The following COX7B2 variants were observed in gnomAD, a reference collection of about 807,000 sequenced individuals.
COX7B2 encodes the protein cytochrome c oxidase subunit 7B2.
For missense variants in COX7B2, 109 were observed against 95.9 expected (o/e 1.14, Z -0.57); for synonymous variants, 37 against 32.1 (o/e 1.15, Z -0.51).
chr4:46,809,812 T>A (rs1362634655), intron 2 of COX7B2, among the ~76,000 whole-genome samples: 1 of 151,978 alleles, frequency 6.6e-6, no homozygotes, highest in Non-Finnish European at 1.5e-5. Flanking sequence ...TAATTAATTC[T>A]CTGGTTAATA....
At chr4:46,885,708 GT>G (rs921684858) in intron 1 of COX7B2, among the ~76,000 whole-genome samples, 9 of 151,968 alleles carry the variant, frequency 5.9e-5, no homozygotes, top group East Asian at 1.9e-4. Context: ...AACCAGGTGG[GT>G]TTTTTTCTCA....
At chr4:46,788,748 G>C (rs754056656) in intron 2 of COX7B2, among the ~76,000 whole-genome samples, 2 of 152,102 alleles carry the variant, frequency 1.3e-5, no homozygotes, top group Non-Finnish European at 2.9e-5. Context: ...AACTCACATT[G>C]TTCCAGATTA....
At chr4:46,789,405 A>G (rs946263593) in intron 2 of COX7B2, among the ~76,000 whole-genome samples, 1 of 152,024 alleles carries the variant, frequency 6.6e-6, no homozygotes, top group African/African-American at 2.4e-5. Context: ...AATAATCTCA[A>G]AAAAATTTTT....
intron 2 of COX7B2, among the ~76,000 whole-genome samples, chr4:46,834,338 C>T (rs1715369130): frequency 6.6e-6 from 1 of 151,832 alleles, no homozygotes; most frequent in African/African-American, 2.4e-5. Flanking sequence ...AGAAAAGAAA[C>T]ACAAAAACAG....
intron 1 of COX7B2, among the ~76,000 whole-genome samples, chr4:46,907,276 C>A (rs142475462): frequency 1.3e-5 from 2 of 152,266 alleles, no homozygotes; most frequent in Non-Finnish European, 2.9e-5. Context: ...TTCTCTTAAG[C>A]TGGTGTCCTA....
At position 46,885,551 on chromosome 4, in the gene COX7B2, T is replaced by C. The variant is rs572957918; in HGVS notation, c.-105+23609A>G. Among the ~76,000 whole-genome samples, 31 of 152,258 alleles carry C rather than the reference T, an allele frequency of 2.0e-4. 1 individual carries two copies. Among genetic ancestry groups the C allele is most frequent in the African/African-American group, 6.7e-4 (28 of 41,564 alleles). On this transcript the variant is annotated intron_variant, in intron 1 of 2. Transcript: ENST00000355591. Reference sequence around the variant, plus strand: ...CCCATTCTATTCAAGAAACATCAGCTGACCAGTGATTATAGGCAGGATATT... The same window carrying C: ...CCCATTCTATTCAAGAAACATCAGCCGACCAGTGATTATAGGCAGGATATT...
intron 2 of COX7B2, among the ~76,000 whole-genome samples, chr4:46,816,170 T>C (rs1719541984): frequency 6.6e-6 from 1 of 152,210 alleles, no homozygotes; most frequent in Non-Finnish European, 1.5e-5. Context: ...TTCTGAATAT[T>C]TGTGAATGAA....
At chr4:46,879,266 TC>T (rs1718552605) in intron 1 of COX7B2, among the ~76,000 whole-genome samples, 2 of 152,100 alleles carry the variant, frequency 1.3e-5, no homozygotes. Context: ...TAGCCTCTAG[TC>T]TTCCAAAGAC....
intron 2 of COX7B2, among the ~76,000 whole-genome samples, chr4:46,776,124 C>T (rs1717139780): frequency 6.6e-6 from 1 of 151,756 alleles, no homozygotes; most frequent in Non-Finnish European, 1.5e-5. Flanking sequence ...ATGCATATAC[C>T]ATTGCTCCTA....
At chr4:46,846,839 G>A (rs1396941364) in intron 1 of COX7B2, among the ~76,000 whole-genome samples, 1 of 152,018 alleles carries the variant, frequency 6.6e-6, no homozygotes, top group Non-Finnish European at 1.5e-5. Flanking sequence ...TATGAAGAAT[G>A]TAGAGTCAAG....
At chr4:46,846,408 G>A (rs561957321) in intron 1 of COX7B2, among the ~76,000 whole-genome samples, 1 of 151,918 alleles carries the variant, frequency 6.6e-6, no homozygotes, top group South Asian at 2.1e-4. Flanking sequence ...AGGGAGAGCA[G>A]TATAAAGGAC....
chr4:46,801,297 G>A (rs1467958500), intron 2 of COX7B2, among the ~76,000 whole-genome samples: 2 of 151,956 alleles, frequency 1.3e-5, no homozygotes, highest in Admixed American at 6.6e-5. Flanking sequence ...TGTTTATCAC[G>A]GCCCTACTTA....
intron 2 of COX7B2, among the ~76,000 whole-genome samples, chr4:46,764,710 A>G (rs1434504778): frequency 1.3e-5 from 2 of 151,242 alleles, no homozygotes; most frequent in Admixed American, 6.6e-5. Context: ...GAATATTTGC[A>G]TGTGGTTGAA....
At chr4:46,858,924 G>A (rs1560423480) in intron 1 of COX7B2, among the ~76,000 whole-genome samples, 3 of 152,140 alleles carry the variant, frequency 2.0e-5, no homozygotes, top group African/African-American at 7.2e-5. Context: ...AAATTTATGA[G>A]ATTAATGCTT....
chr4:46,764,745 G>C (rs539341344), intron 2 of COX7B2, among the ~76,000 whole-genome samples: 2 of 148,952 alleles, frequency 1.3e-5, no homozygotes, highest in Middle Eastern at 3.6e-3. Flanking sequence ...ACATTAAACT[G>C]ACCGTTACAA....
At chr4:46,904,966 T>C (rs1267554494) in intron 1 of COX7B2, among the ~76,000 whole-genome samples, 1 of 152,194 alleles carries the variant, frequency 6.6e-6, no homozygotes, top group Non-Finnish European at 1.5e-5. Context: ...ATTACTTACT[T>C]ACTTATGACT....
At chr4:46,742,118 C>T (rs1483164694) in intron 2 of COX7B2, among the ~76,000 whole-genome samples, 1 of 151,954 alleles carries the variant, frequency 6.6e-6, no homozygotes, top group African/African-American at 2.4e-5. Context: ...ATAGGGACCC[C>T]CTGGGAATAA....
chr4:46,812,928 C>G (rs1434944683), intron 2 of COX7B2, among the ~76,000 whole-genome samples: 1 of 152,104 alleles, frequency 6.6e-6, no homozygotes, highest in African/African-American at 2.4e-5. Context: ...GCTGCCTCAC[C>G]TATTGCACAG....
intron 1 of COX7B2, among the ~76,000 whole-genome samples, chr4:46,891,931 A>C (rs1284324120): frequency 6.6e-6 from 1 of 152,178 alleles, no homozygotes; most frequent in African/African-American, 2.4e-5. Flanking sequence ...TGCGAAACAC[A>C]TATCTTATGT....
Sources: allele counts gnomAD v4.1 joint callset (sites outside exome capture counted in the v4.1 genomes callset), GRCh38; gene constraint gnomAD v4.1.1; transcripts MANE v1.5; gene names NCBI Gene and HGNC (gene_info 2026-07-23, HGNC 2026-07-21).